The following AUTS2 variants were observed in gnomAD, a reference collection of about 807,000 sequenced individuals.
The protein encoded by AUTS2 is activator of transcription and developmental regulator AUTS2, also known as autism susceptibility gene 2 protein.
A neutral mutation model predicts 112.4 loss-of-function variants in AUTS2; 17 were observed. That is an observed-to-expected ratio of 0.15 (90% CI 0.10 to 0.23). The LOEUF is 0.23. Among genes scored for constraint, AUTS2 ranks in the 10% least tolerant of loss-of-function variants. The pLI is 1.00. For missense variants in AUTS2, 1,510 were observed against 1,701.6 expected (o/e 0.89, Z 1.98); for synonymous variants, 751 against 702.7 (o/e 1.07, Z -1.09).
intron 2 of AUTS2, among the ~76,000 whole-genome samples, chr7:70,032,982 A>G (rs972228682): frequency 1.3e-5 from 2 of 152,188 alleles, no homozygotes; most frequent in African/African-American, 4.8e-5. Flanking sequence ...AGAATAGGCA[A>G]ATCTGTAGAG....
chr7:70,383,741 G>A (rs774362753), intron 4 of AUTS2, among the ~76,000 whole-genome samples: 3 of 152,224 alleles, frequency 2.0e-5, no homozygotes, highest in Non-Finnish European at 2.9e-5. Flanking sequence ...GCAAAAATAG[G>A]GTGGTGGTGA....
chr7:69,645,977 T>C (rs567867617), intron 1 of AUTS2, among the ~76,000 whole-genome samples: 1 of 151,772 alleles, frequency 6.6e-6, no homozygotes, highest in East Asian at 1.9e-4. Flanking sequence ...ATTTTTTTTT[T>C]TTTTTTTTCT....
intron 2 of AUTS2, among the ~76,000 whole-genome samples, chr7:69,942,769 A>G (rs1374794149): frequency 6.6e-6 from 1 of 152,256 alleles, no homozygotes; most frequent in African/African-American, 2.4e-5. Context: ...TCTGTATGAC[A>G]GGAGTCACAA....
intron 3 of AUTS2, among the ~76,000 whole-genome samples, chr7:70,125,074 T>G (rs781423464): frequency 7.9e-5 from 12 of 152,208 alleles, no homozygotes; most frequent in South Asian, 2.1e-4. Flanking sequence ...CTGGACCTGT[T>G]TCTATTGGTT....
At chr7:70,739,035 T>TTTTTTTTTTTTTG (rs1787946528) in intron 6 of AUTS2, among the ~76,000 whole-genome samples, 1 of 82,518 alleles carries the variant, frequency 1.2e-5, no homozygotes, top group Non-Finnish European at 2.2e-5. Context: ...TTTTTTTTTT[T>TTTTTTTTTTTTTG]TTGAGAGAGA....
intron 5 of AUTS2, among the ~76,000 whole-genome samples, chr7:70,522,392 A>T (rs942860036): frequency 2.0e-5 from 3 of 152,182 alleles, no homozygotes; most frequent in Non-Finnish European, 4.4e-5. Context: ...GGCATGAATG[A>T]TCCCATCACC....
At chr7:69,817,106 C>A (rs1178768877) in intron 1 of AUTS2, among the ~76,000 whole-genome samples, 1 of 152,230 alleles carries the variant, frequency 6.6e-6, no homozygotes, top group African/African-American at 2.4e-5. Context: ...TCTTCTTCAT[C>A]ATGGGCTCAC....
intron 3 of AUTS2, among the ~76,000 whole-genome samples, chr7:70,124,266 A>T (rs907443665): frequency 2.0e-5 from 3 of 152,172 alleles, no homozygotes; most frequent in African/African-American, 7.2e-5. Context: ...CCTTTGTCAG[A>T]TGCATAGTTT....
At chr7:70,155,008 G>A (rs1807665356) in intron 4 of AUTS2, among the ~76,000 whole-genome samples, 1 of 152,190 alleles carries the variant, frequency 6.6e-6, no homozygotes, top group South Asian at 2.1e-4. Flanking sequence ...TGACAGCACA[G>A]CAAGCACACT....
chr7:70,251,607 T>G (rs1786605806), intron 4 of AUTS2, among the ~76,000 whole-genome samples: 1 of 152,156 alleles, frequency 6.6e-6, no homozygotes, highest in Admixed American at 6.5e-5. Flanking sequence ...TAAGATTATA[T>G]GTTTGTTAGA....
intron 4 of AUTS2, among the ~76,000 whole-genome samples, chr7:70,210,492 G>A (rs973619013): frequency 6.6e-6 from 1 of 152,200 alleles, no homozygotes; most frequent in African/African-American, 2.4e-5. Flanking sequence ...TGACTACCCA[G>A]TGGATTCCAT....
rs1789660991 is a variant in AUTS2, at chr7:70,762,954, G to A, written c.827G>A (p.Arg276Lys). The A allele has an allele frequency of 6.2e-7, 1 of 1,614,042 alleles. No homozygotes were observed. Among genetic ancestry groups the A allele is most frequent in the Non-Finnish European group, 8.5e-7 (1 of 1,180,038 alleles). ...GTCCCCAAGATATCGGGTCTAGAGA[G>A]AAGCCAGGAGAAGAGCCAGGACTGT... ...PIVPKISGLE[R>K]SQEKSQDCCK... The change falls in exon 7 of 19, where the codon AGA becomes AAA. Residue 276 changes from arginine to lysine, a missense_variant. By Grantham distance (26) the Arg-to-Lys change is conservative. Transcript: ENST00000342771.
At chr7:69,688,157 C>T (rs1360609486) in intron 1 of AUTS2, among the ~76,000 whole-genome samples, 3 of 152,130 alleles carry the variant, frequency 2.0e-5, no homozygotes, top group Non-Finnish European at 4.4e-5. Context: ...AGGGAGTGAC[C>T]AAAAGTTATT....
intron 5 of AUTS2, among the ~76,000 whole-genome samples, chr7:70,627,543 T>A (rs1026922499): frequency 6.6e-6 from 1 of 152,230 alleles, no homozygotes; most frequent in African/African-American, 2.4e-5. Flanking sequence ...CTTCGGGTAT[T>A]AATCAGCACC....
At chr7:70,701,349 T>A (rs1162733063) in intron 6 of AUTS2, among the ~76,000 whole-genome samples, 1 of 152,226 alleles carries the variant, frequency 6.6e-6, no homozygotes, top group Non-Finnish European at 1.5e-5. Flanking sequence ...AGTCAGCTTG[T>A]GAGCTTGAAT....
intron 5 of AUTS2, among the ~76,000 whole-genome samples, chr7:70,680,476 T>TAAGAG (rs973037654): frequency 3.3e-5 from 5 of 152,228 alleles, no homozygotes; most frequent in Non-Finnish European, 7.3e-5. Context: ...AACAGTCTTC[T>TAAGAG]AAAACTCATC....
At chr7:70,643,051 G>A (rs1416929595) in intron 5 of AUTS2, among the ~76,000 whole-genome samples, 15 of 152,232 alleles carry the variant, frequency 9.9e-5, no homozygotes, top group East Asian at 9.7e-4. Flanking sequence ...TGATATTCCC[G>A]TCTCCTCATC....
intron 1 of AUTS2, among the ~76,000 whole-genome samples, chr7:69,805,756 T>C (rs1790273889): frequency 6.6e-6 from 1 of 152,208 alleles, no homozygotes; most frequent in African/African-American, 2.4e-5. Flanking sequence ...TATTTCTCTA[T>C]GAAGATGTAT....
intron 5 of AUTS2, among the ~76,000 whole-genome samples, chr7:70,632,795 G>A (rs1412043728): frequency 2.0e-5 from 3 of 152,076 alleles, no homozygotes; most frequent in Non-Finnish European, 2.9e-5. Context: ...AATAGCCACG[G>A]TTGGCTTTTC....
Sources: allele counts gnomAD v4.1 joint callset (sites outside exome capture counted in the v4.1 genomes callset), GRCh38; gene constraint gnomAD v4.1.1; transcripts MANE v1.5; gene names NCBI Gene and HGNC (gene_info 2026-07-23, HGNC 2026-07-21).